Variants in SH2B3 observed in about 807,000 individuals in gnomAD.
The protein encoded by SH2B3 is SH2B adaptor protein 3, also known as SH2B adapter protein 3.
A neutral mutation model predicts 51.9 loss-of-function variants in SH2B3; 43 were observed. That is an observed-to-expected ratio of 0.83 (90% CI 0.65 to 1.07). The LOEUF (loss-of-function observed/expected upper bound fraction) is 1.07. Among genes scored for constraint, SH2B3 ranks in the 50% least tolerant of loss-of-function variants. SH2B3 has a pLI of 0.00. For missense variants in SH2B3, 952 were observed against 834.3 expected (o/e 1.14, Z -1.74); for synonymous variants, 396 against 376.0 (o/e 1.05, Z -0.62).
chr12:111,414,483 T>G, intron 1 of SH2B3, among the ~76,000 whole-genome samples: 1 of 151,890 alleles, frequency 6.6e-6, no homozygotes, highest in Non-Finnish European at 1.5e-5. Flanking sequence ...TCTTAGCACT[T>G]TGGGAGGCCA....
rs370747546 is a variant in SH2B3 at position 111,418,685 on chromosome 12, G to A, written c.540G>A (p.Lys180=). The A allele has an allele frequency of 5.0e-4, 741 of 1,490,896 alleles. 10 individuals are homozygous for A. The African/African-American group carries it at 9.6e-3, about 19-fold the overall frequency. The allele number at this position is 1,490,896 out of a possible 1,614,324, so 92.4% of individuals were successfully genotyped here. ...CCCCCGCCCGGCCTGGCCTGGCCAA[G>A]AAGTTCCTGCCCTGGAGCCTGGCCC... ...AETPARPGLA[K]KFLPWSLARE... is the part of the protein sequence containing the mutation. The change falls in exon 2 of 8, where the codon AAG becomes AAA. Residue 180 remains lysine, a synonymous_variant. Coordinates refer to ENST00000341259, the MANE Select transcript of SH2B3 (RefSeq NM_005475.3). This position sits in a 1 kb window ranked among gnomAD's most constrained non-coding sequence, Gnocchi z 6.7.
Position 111,418,912 on chromosome 12 carries a change from A to G in SH2B3, c.732+35A>G. ...CCCTGCCCGCGGGGTTGCGCACTGC[A>G]CTGCGCCCTTCGCCTTCACCCTGGG... On this transcript the variant is annotated intron_variant, in intron 2 of 7. Transcript: ENST00000341259. The surrounding 1 kb of genome is among the most constrained non-coding windows in gnomAD (Gnocchi z 6.7). 1 of 1,372,084 alleles carries G rather than the reference A, an allele frequency of 7.3e-7. No homozygotes were observed. Among genetic ancestry groups the G allele is most frequent in the South Asian group, 1.7e-5 (1 of 60,326 alleles). The allele number at this position is 1,372,084 out of a possible 1,614,324, so 85.0% of individuals were successfully genotyped here.
At chr12:111,440,554 G>A (rs1292586732) in intron 2 of SH2B3, among the ~76,000 whole-genome samples, 1 of 152,264 alleles carries the variant, frequency 6.6e-6, no homozygotes, top group Non-Finnish European at 1.5e-5. Context: ...CTAAAGGGTG[G>A]TGTGGGGTCT....
intron 2 of SH2B3, among the ~76,000 whole-genome samples, chr12:111,441,360 TA>T (rs35496164): frequency 0.035 from 4,717 of 136,680 alleles, 103 homozygotes; most frequent in African/African-American, 0.064. Context: ...CCCTATCTCT[TA>T]AAAAAAAAAA....
intron 2 of SH2B3, among the ~76,000 whole-genome samples, chr12:111,427,035 T>G (rs1178472596): frequency 1.3e-5 from 2 of 152,088 alleles, no homozygotes; most frequent in Admixed American, 1.3e-4. Context: ...GGTTGCCACA[T>G]TTACAACCTA....
In SH2B3 at chr12:111,449,865, A is replaced by AT. The variant is rs1455336449; in HGVS notation, c.*1568dup. 6.6e-6 allele frequency: 1 copy of AT among 151,596 alleles called. No individual in the cohort carries two copies. Among genetic ancestry groups the AT allele is most frequent in the Non-Finnish European group, 1.5e-5 (1 of 68,006 alleles). The allele number at this position is 151,596 out of a possible 1,614,324, so 9.4% of individuals were successfully genotyped here. A position where few individuals can be genotyped will look rare whatever the true frequency, so the allele number is the denominator to read the frequency against. On this transcript the variant is annotated 3_prime_UTR_variant, in exon 8 of 8. Transcript: ENST00000341259. ...TAGTCTCTGTGCTCCAAGAGGTCAA[A>AT]TTTTTGCTTCTAGAATTTCCTTGGG...
chr12:111,434,888 G>A (rs748638360), intron 2 of SH2B3: 6 of 1,535,672 alleles, frequency 3.9e-6, no homozygotes, highest in Non-Finnish European at 5.2e-6. Flanking sequence ...GTGCCGGGTG[G>A]AGCTCAGAAG....
In SH2B3 at chr12:111,406,968, G is replaced by C. The variant is rs902313270; in HGVS notation, c.-28+691G>C. 5.3e-5 allele frequency among the ~76,000 whole-genome samples: 8 copies of C among 152,150 alleles called. No homozygotes were observed. The highest frequency in any genetic ancestry group is 8.8e-5 in the Non-Finnish European group (6 of 68,016). On this transcript the variant is annotated intron_variant, in intron 1 of 7. Coordinates refer to ENST00000341259, the MANE Select transcript of SH2B3 (RefSeq NM_005475.3). The surrounding 1 kb of genome is among the most constrained non-coding windows in gnomAD (Gnocchi z 5.7). The stretch of plus-strand genomic sequence containing the variant: ...CCAAAAAACGTCTGGAGTGGGTGTT[G>C]GTCTTCTAGATCCGCACGGTAGGGA...
chr12:111,411,440 T>A (rs1870687926), intron 1 of SH2B3, among the ~76,000 whole-genome samples: 1 of 151,902 alleles, frequency 6.6e-6, no homozygotes, highest in Non-Finnish European at 1.5e-5. Flanking sequence ...GTGGGCCTGA[T>A]CATTAAAAGG....
At chr12:111,444,163 C>G (rs953361812) in intron 2 of SH2B3, 1 of 152,198 alleles carries the variant, frequency 6.6e-6, no homozygotes, top group Admixed American at 6.5e-5. Flanking sequence ...CCACTGCACT[C>G]CAGCATGGGC....
chr12:111,447,315 C>T lies in SH2B3; in HGVS notation c.1022-15C>T, dbSNP rs368011815. On this transcript the variant is annotated splice_polypyrimidine_tract_variant and intron_variant, in intron 5 of 7. Coordinates refer to ENST00000341259, the MANE Select transcript of SH2B3 (RefSeq NM_005475.3). ...GTAGCCCCCTGCGACCACCATCACC[C>T]ATCTTATCTAACAGGTGCTTCTCCT... The T allele has an allele frequency of 5.2e-5, 84 of 1,608,112 alleles. No homozygotes were observed. The highest frequency in any genetic ancestry group is 8.3e-5 in the Admixed American group (5 of 60,006).
chr12:111,418,204 C>T lies in SH2B3; in HGVS notation c.59C>T (p.Ala20Val), dbSNP rs1222585515. 8 of 1,576,200 alleles carry T rather than the reference C, an allele frequency of 5.1e-6. No individual in the cohort carries two copies. The highest frequency in any genetic ancestry group is 6.8e-6 in the Non-Finnish European group (8 of 1,171,776). Residue 20 changes from alanine (A) to valine (V), a missense_variant, in exon 2 of 8, where the codon GCG becomes GTG. Ala to Val is a moderately conservative substitution (Grantham distance 64). Coordinates refer to ENST00000341259, the MANE Select transcript of SH2B3 (RefSeq NM_005475.3). This position sits in a 1 kb window ranked among gnomAD's most constrained non-coding sequence, Gnocchi z 6.7. ...TCTTCCGCGCCCTCAGCCTCCCCGG[C>T]GGCGGCCCCGCGGGGCTGGAGCGAG... ...SPSSAPSASP[A>V]AAPRGWSEFC...
chr12:111,432,991 CTG>C (rs1462242593), intron 2 of SH2B3, among the ~76,000 whole-genome samples: 2 of 152,182 alleles, frequency 1.3e-5, no homozygotes, highest in Non-Finnish European at 2.9e-5. Context: ...TTGTGTGGAT[CTG>C]TGTTTTCATT....
intron 2 of SH2B3, chr12:111,434,867 A>G (rs1335358860): frequency 6.5e-7 from 1 of 1,535,252 alleles, no homozygotes; most frequent in Admixed American, 2.0e-5. Flanking sequence ...AAATGATAGT[A>G]ATGAGAGTCC....
Position 111,447,126 on chromosome 12 carries a change from C to G in SH2B3, c.928C>G (p.Leu310Val), listed in dbSNP as rs373642679. The change falls in exon 5 of 8, where the codon CTG (leucine) becomes GTG (valine). Residue 310 changes from leucine (L) to valine (V), a missense_variant and splice_region_variant. By Grantham distance (32) the Leu-to-Val change is conservative. Transcript: ENST00000341259. ...AELSECTGRG[L>V]ESTEAEMHIP... ...TAACCTCAGCCTCTTCTCCAGCAGGCTGGAGAGCACAGAAGCAGAGATGCA... is the reference window on the plus strand; with the variant it reads ...TAACCTCAGCCTCTTCTCCAGCAGGGTGGAGAGCACAGAAGCAGAGATGCA... 1.2e-6 allele frequency: 2 copies of G among 1,613,664 alleles called. No homozygotes were observed. Among genetic ancestry groups the G allele is most frequent in the African/African-American group, 2.7e-5 (2 of 75,024 alleles).
intron 2 of SH2B3, among the ~76,000 whole-genome samples, chr12:111,422,323 G>C (rs1303766246): frequency 1.3e-5 from 2 of 152,086 alleles, no homozygotes; most frequent in African/African-American, 4.8e-5. Flanking sequence ...CGGTGGCTGC[G>C]TTCCTGGATC....
At position 111,447,501 on chromosome 12, in the gene SH2B3, G is replaced by T. The variant is rs181879167; in HGVS notation, c.1193G>T (p.Arg398Leu). The change falls in exon 6 of 8, where the codon CGT (arginine) becomes CTT (leucine). Residue 398 changes from arginine to leucine, a missense_variant. By Grantham distance (102) the Arg-to-Leu change is moderately radical. Coordinates refer to ENST00000341259, the MANE Select transcript of SH2B3 (RefSeq NM_005475.3). Reference sequence around the variant, plus strand: ...CTGGTGCGGCAGAGCGAGACGCGGCGTGGGGAATACGTGCTCACTTTCAAC... The same window carrying T: ...CTGGTGCGGCAGAGCGAGACGCGGCTTGGGGAATACGTGCTCACTTTCAAC... ...VFLVRQSETRRGEYVLTFNFQ... is the reference protein window; with the variant it reads ...VFLVRQSETRLGEYVLTFNFQ... 2 of 1,612,296 alleles carry T rather than the reference G, an allele frequency of 1.2e-6. No individual in the cohort carries two copies. Among genetic ancestry groups the T allele is most frequent in the South Asian group, 1.1e-5 (1 of 91,022 alleles).
rs1335008031 is a variant in SH2B3 at position 111,448,186 on chromosome 12, A to G, written c.1612A>G (p.Ser538Gly). 1 of 1,614,122 alleles carries G rather than the reference A, an allele frequency of 6.2e-7. No individual in the cohort carries two copies. The highest frequency in any genetic ancestry group is 8.5e-7 in the Non-Finnish European group (1 of 1,179,982). Residue 538 changes from serine (S) to glycine (G), a missense_variant, in exon 8 of 8, where the codon AGC becomes GGC. By Grantham distance (56) the Ser-to-Gly change is moderately conservative. Transcript: ENST00000341259. ...GCCTTCGCCCGAAGAACTGGCCAACAGCCTGCAGCACCTGGAGCATGAGCC... is the reference window on the plus strand; with the variant it reads ...GCCTTCGCCCGAAGAACTGGCCAACGGCCTGCAGCACCTGGAGCATGAGCC... ...LVPSPEELAN[S>G]LQHLEHEPVN...
chr12:111,431,062 G>A (rs547382579), intron 2 of SH2B3, among the ~76,000 whole-genome samples: 59 of 152,292 alleles, frequency 3.9e-4, no homozygotes, highest in African/African-American at 1.3e-3. Flanking sequence ...TGCAGGAGGG[G>A]CCACCTCAGC....
Sources: allele counts gnomAD v4.1 joint callset (sites outside exome capture counted in the v4.1 genomes callset), GRCh38; gene constraint gnomAD v4.1.1; non-coding constraint Gnocchi (gnomAD v3.1); transcripts MANE v1.5; gene names NCBI Gene and HGNC (gene_info 2026-07-23, HGNC 2026-07-21).